Variants in KCNT1 observed in about 807,000 individuals in gnomAD.
The protein encoded by KCNT1 is potassium sodium-activated channel subfamily T member 1, also known as potassium channel subfamily T member 1.
A neutral mutation model predicts 147.8 loss-of-function variants in KCNT1; 78 were observed. The observed-to-expected ratio is 0.53, with a 90% CI of 0.44 to 0.64. The LOEUF is 0.64. Ranked by LOEUF, KCNT1 falls within the 30% of genes least tolerant of loss-of-function variation. KCNT1 has a pLI of 0.00. For synonymous variants in KCNT1, 867 were observed against 748.8 expected, an observed-to-expected ratio of 1.16 and a Z score of -2.58; for missense variants, 1,419 against 1,750.3, an observed-to-expected ratio of 0.81 and a Z score of 3.38.
chr9:135,775,253 G>C, intron 19 of KCNT1, 57 bp from the exon 20 acceptor site: 2 of 1,406,168 alleles, frequency 1.4e-6, no homozygotes, highest in Non-Finnish European at 2.0e-6. Flanking sequence ...GGGGGCCCCA[G>C]AGCAGACCCA....
intron 2 of KCNT1, among the ~76,000 whole-genome samples, chr9:135,745,716 T>C (rs926925383): frequency 4.6e-5 from 7 of 152,218 alleles, no homozygotes; most frequent in Non-Finnish European, 8.8e-5. Flanking sequence ...CTGGTTCCCA[T>C]TCCCCAGGGA....
At chr9:135,724,988 T>A (rs1157410490) in intron 2 of KCNT1, among the ~76,000 whole-genome samples, 1 of 152,206 alleles carries the variant, frequency 6.6e-6, no homozygotes, top group Non-Finnish European at 1.5e-5. Flanking sequence ...CATGTGATCC[T>A]GAGGGTAATC....
At chr9:135,787,041 G>GT (rs1437771056) in intron 29 of KCNT1, among the ~76,000 whole-genome samples, 1 of 152,198 alleles carries the variant, frequency 6.6e-6, no homozygotes, top group Non-Finnish European at 1.5e-5. Context: ...AAGACTGGTG[G>GT]GGACCCCCTC....
chr9:135,740,671 C>T (rs764692381), intron 2 of KCNT1, among the ~76,000 whole-genome samples: 1 of 152,246 alleles, frequency 6.6e-6, no homozygotes, highest in Non-Finnish European at 1.5e-5. Context: ...AGGGAGGTGA[C>T]GGCTTCGGGT....
At chr9:135,772,629 C>T (rs1832833110) in intron 18 of KCNT1, 86 bp from the exon 19 acceptor site, 2 of 1,013,458 alleles carry the variant, frequency 2.0e-6, no homozygotes, top group East Asian at 6.4e-5. Context: ...GTCTCCAGAG[C>T]TGACTGTGTT....
intron 29 of KCNT1, among the ~76,000 whole-genome samples, chr9:135,787,049 C>T (rs183467423): frequency 5.1e-4 from 78 of 152,312 alleles, no homozygotes; most frequent in Middle Eastern, 3.4e-3. Context: ...TGGGGACCCC[C>T]TCCCAGAGCC....
chr9:135,788,729 G>C (rs1005450962), intron 29 of KCNT1, among the ~76,000 whole-genome samples: 80 of 152,300 alleles, frequency 5.3e-4, no homozygotes, highest in African/African-American at 1.7e-3. Context: ...TCGTCCCCCA[G>C]CTGGGGCTCC....
At chr9:135,747,596 C>T (rs1030998085) in intron 2 of KCNT1, among the ~76,000 whole-genome samples, 6 of 152,178 alleles carry the variant, frequency 3.9e-5, no homozygotes, top group African/African-American at 1.4e-4. Flanking sequence ...CAAAGAGACA[C>T]TTATGCAGGG....
At chr9:135,748,127 T>C (rs545214407) in intron 2 of KCNT1, among the ~76,000 whole-genome samples, 292 of 151,836 alleles carry the variant, frequency 1.9e-3, no homozygotes, top group Non-Finnish European at 2.9e-3. Flanking sequence ...GAGACGGGGG[T>C]CTTGCTATGT....
chr9:135,775,440 T>C, intron 20 of KCNT1, 25 bp downstream of exon 20: 1 of 1,570,168 alleles, frequency 6.4e-7, no homozygotes, highest in Non-Finnish European at 8.7e-7. Context: ...TCTGCCGCGC[T>C]CTGCACCCCC....
At position 135,771,075 on chromosome 9, in the gene KCNT1, A is replaced by G. The variant is rs1285595185; in HGVS notation, c.1988A>G (p.His663Arg). The G allele has an allele frequency of 6.2e-7, 1 of 1,611,598 alleles. No individual in the cohort carries two copies. The highest frequency in any genetic ancestry group is 1.7e-5 in the Admixed American group (1 of 59,792). ...GAGGGTCCGGCCCGCCTGCCCGTGCACAGCATCATCGCCTCCATGGGTGAG... is the reference window on the plus strand; with the variant it reads ...GAGGGTCCGGCCCGCCTGCCCGTGCGCAGCATCATCGCCTCCATGGGTGAG... ...LHEGPARLPV[H>R]SIIASMGTVA... Residue 663 changes from histidine (H) to arginine (R), a missense_variant, in exon 18 of 31, where the codon CAC becomes CGC. Transcript: ENST00000371757.
In KCNT1 at chr9:135,753,965, T is replaced by A. The variant is rs776438645; in HGVS notation, c.463T>A (p.Phe155Ile). ...CWGCPKQNYS[F>I]NDSSSEINWA... ...GGGCTGCCCAAAGCAGAACTACTCCTTCAATGACTCGTCCTCCGAGATCAA... is the reference window on the plus strand; with the variant it reads ...GGGCTGCCCAAAGCAGAACTACTCCATCAATGACTCGTCCTCCGAGATCAA... Residue 155 changes from phenylalanine (F) to isoleucine (I), a missense_variant, in exon 5 of 31, where the codon TTC becomes ATC. Physicochemically the swap from Phe to Ile is conservative, Grantham distance 21. Coordinates refer to ENST00000371757, the MANE Select transcript of KCNT1 (RefSeq NM_020822.3). 2.5e-6 allele frequency: 4 copies of A among 1,614,100 alleles called. No homozygotes were observed. The highest frequency in any genetic ancestry group is 3.4e-6 in the Non-Finnish European group (4 of 1,179,986).
chr9:135,713,218 T>G (rs1393297283), intron 1 of KCNT1, among the ~76,000 whole-genome samples: 2 of 152,224 alleles, frequency 1.3e-5, no homozygotes, highest in Non-Finnish European at 2.9e-5. Context: ...CCTGGCCACG[T>G]GGTTCCCCTG....
intron 1 of KCNT1, among the ~76,000 whole-genome samples, chr9:135,704,091 G>C (rs957602156): frequency 2.0e-5 from 3 of 152,240 alleles, no homozygotes; most frequent in Non-Finnish European, 2.9e-5. Context: ...TTCAGCTGCA[G>C]AAAGAAGAAC....
rs991031776 is a variant in KCNT1, at chr9:135,752,314, G to A, written c.434+1273G>A. The A allele has an allele frequency of 4.4e-6, 2 of 454,340 alleles. No homozygotes were observed. The highest frequency in any genetic ancestry group is 8.8e-6 in the Non-Finnish European group (2 of 226,150). 28.1% of individuals were successfully genotyped at this position (454,340 alleles called of 1,614,324 possible). On this transcript the variant is annotated intron_variant, in intron 4 of 30. Coordinates refer to ENST00000371757, the MANE Select transcript of KCNT1 (RefSeq NM_020822.3). The surrounding 1 kb of genome is among the most constrained non-coding windows in gnomAD (Gnocchi z 5.1). ...TTTCACCTGTTACCCCGTCACAAGG[G>A]GGCCTGGCATCCCCAGGCCAGAGAC...
rs1264620648 is a variant in KCNT1, at chr9:135,768,476, C to CTCTCA, written c.1338-133_1338-129dup. The CTCTCA allele has an allele frequency of 6.2e-6, 4 of 640,150 alleles. No individual in the cohort carries two copies. In the East Asian group the frequency reaches 1.1e-4, roughly 18 times the overall value. The allele number at this position is 640,150 out of a possible 1,614,324, so 39.7% of individuals were successfully genotyped here. A position where few individuals can be genotyped will look rare whatever the true frequency, so the allele number is the denominator to read the frequency against. On this transcript the variant is annotated intron_variant, in intron 13 of 30. Coordinates refer to ENST00000371757, the MANE Select transcript of KCNT1 (RefSeq NM_020822.3). ...CCTCTCCGCCTTCCATCCAGCCGTC[C>CTCTCA]TCTCAGTCTCTTTCTGTGCACCTGC...
chr9:135,743,950 G>C (rs1830683567), intron 2 of KCNT1, among the ~76,000 whole-genome samples: 1 of 152,256 alleles, frequency 6.6e-6, no homozygotes. Context: ...GCTGGCCCCA[G>C]GGTTGGCAGT....
chr9:135,703,338 G>C (rs147925127), intron 1 of KCNT1, among the ~76,000 whole-genome samples: 2 of 152,206 alleles, frequency 1.3e-5, no homozygotes, highest in East Asian at 3.9e-4. Flanking sequence ...GGCCTGGTGC[G>C]GCTGCCTGTT....
intron 2 of KCNT1, among the ~76,000 whole-genome samples, chr9:135,726,399 T>A (rs528098837): frequency 1.5e-3 from 225 of 152,154 alleles, no homozygotes; most frequent in African/African-American, 5.2e-3. Context: ...GCCAGCCCAG[T>A]CTTGGGTGGC....
Sources: gnomAD v4.1 joint callset for allele counts (sites outside exome capture counted in the v4.1 genomes callset) on GRCh38, gnomAD v4.1.1 for gene constraint, Gnocchi (gnomAD v3.1) non-coding constraint, MANE v1.5 for transcripts, NCBI Gene and HGNC (gene_info 2026-07-23, HGNC 2026-07-21) for gene names.